The following RALGPS2 variants were observed in gnomAD, a reference collection of about 807,000 sequenced individuals.
RALGPS2 encodes the protein ras-specific guanine nucleotide-releasing factor RalGPS2.
In RALGPS2, 43 loss-of-function variants were observed where a neutral mutation model predicts 86.8. The ratio of observed to expected loss-of-function variants is 0.50; its 90% CI spans 0.39 to 0.64. The LOEUF is 0.64. Ranked by LOEUF, RALGPS2 falls within the 30% of genes least tolerant of loss-of-function variation. The pLI is 0.00. For synonymous variants in RALGPS2, 243 were observed against 231.3 expected (o/e 1.05, Z -0.46); for missense variants, 536 against 694.6 (o/e 0.77, Z 2.57).
At chr1:178,833,176 C>T (rs751984088) in intron 7 of RALGPS2, among the ~76,000 whole-genome samples, 6 of 151,618 alleles carry the variant, frequency 4.0e-5, no homozygotes, top group African/African-American at 1.2e-4. Flanking sequence ...ATAGTAAACA[C>T]GAAAATGTTA....
chr1:178,783,374 C>T (rs917270237), intron 2 of RALGPS2, among the ~76,000 whole-genome samples: 1 of 151,782 alleles, frequency 6.6e-6, no homozygotes, highest in Non-Finnish European at 1.5e-5. Context: ...GACTGTAGGA[C>T]AGTGACAAAA....
chr1:178,794,007 G>A (rs1204577646), intron 4 of RALGPS2, among the ~76,000 whole-genome samples: 4 of 152,186 alleles, frequency 2.6e-5, no homozygotes, highest in Non-Finnish European at 4.4e-5. Context: ...TTCAGTCAAA[G>A]CTCAGCACTT....
intron 11 of RALGPS2, 24 bp downstream of exon 11, chr1:178,883,557 T>C: frequency 6.4e-7 from 1 of 1,562,200 alleles, no homozygotes. Flanking sequence ...TTTCTCTTGT[T>C]ACCAAATCTA....
intron 4 of RALGPS2, among the ~76,000 whole-genome samples, chr1:178,787,657 G>C (rs1653721585): frequency 6.6e-6 from 1 of 152,124 alleles, no homozygotes. Context: ...TGGGGCATCT[G>C]ATAGTACTTT....
intron 16 of RALGPS2, among the ~76,000 whole-genome samples, chr1:178,896,707 C>T (rs1356751334): frequency 1.4e-5 from 2 of 141,824 alleles, no homozygotes; most frequent in Non-Finnish European, 3.1e-5. Flanking sequence ...TGAGAATATG[C>T]GGTGTTTGGT....
chr1:178,897,365 A>G (rs1659994733), intron 16 of RALGPS2, among the ~76,000 whole-genome samples: 1 of 152,080 alleles, frequency 6.6e-6, no homozygotes, highest in Non-Finnish European at 1.5e-5. Context: ...TTCTTTAAAA[A>G]GTGAGAGAGA....
At chr1:178,840,328 G>C (rs1572387218) in intron 8 of RALGPS2, among the ~76,000 whole-genome samples, 1 of 152,154 alleles carries the variant, frequency 6.6e-6, no homozygotes, top group African/African-American at 2.4e-5. Context: ...AATCAAACTA[G>C]AACTCAGGAT....
chr1:178,836,815 C>T (rs957999656), intron 8 of RALGPS2, among the ~76,000 whole-genome samples: 4 of 152,012 alleles, frequency 2.6e-5, no homozygotes, highest in African/African-American at 9.7e-5. Context: ...GGGTCTCACT[C>T]TGTCATCCAG....
At chr1:178,763,601 TG>T (rs931988324) in intron 1 of RALGPS2, among the ~76,000 whole-genome samples, 1 of 152,234 alleles carries the variant, frequency 6.6e-6, no homozygotes, top group Non-Finnish European at 1.5e-5. Flanking sequence ...TAATTCTTTT[TG>T]CGGCTATGGT....
intron 6 of RALGPS2, among the ~76,000 whole-genome samples, chr1:178,817,215 C>T (rs976452595): frequency 6.6e-6 from 1 of 151,678 alleles, no homozygotes; most frequent in African/African-American, 2.4e-5. Flanking sequence ...TGTGTTGGCG[C>T]ACTCCTGTAA....
At chr1:178,796,824 C>G (rs1173321196) in intron 4 of RALGPS2, among the ~76,000 whole-genome samples, 1 of 152,094 alleles carries the variant, frequency 6.6e-6, no homozygotes, top group African/African-American at 2.4e-5. Context: ...AAAATAAATG[C>G]AAGTGAAAAT....
At chr1:178,805,550 G>A (rs10913629) in intron 4 of RALGPS2, among the ~76,000 whole-genome samples, 1 of 151,852 alleles carries the variant, frequency 6.6e-6, no homozygotes, top group African/African-American at 2.4e-5. Flanking sequence ...TTTCCCCATT[G>A]CTTGTTTTTC....
intron 8 of RALGPS2, among the ~76,000 whole-genome samples, chr1:178,874,198 G>A (rs1187421824): frequency 1.3e-5 from 2 of 152,158 alleles, no homozygotes; most frequent in East Asian, 3.8e-4. Flanking sequence ...AGTAGAGAAG[G>A]AACATACAGA....
intron 8 of RALGPS2, among the ~76,000 whole-genome samples, chr1:178,837,195 A>G (rs1048037932): frequency 2.1e-4 from 32 of 152,180 alleles, no homozygotes; most frequent in African/African-American, 7.2e-4. Context: ...ATATCACTGT[A>G]TATTTTATAT....
chr1:178,795,128 C>A (rs774847845), intron 4 of RALGPS2, among the ~76,000 whole-genome samples: 3 of 150,846 alleles, frequency 2.0e-5, no homozygotes, highest in Non-Finnish European at 3.0e-5. Flanking sequence ...TGCAGTGAGC[C>A]GAGATTGCGC....
At chr1:178,872,733 T>A (rs1658824576) in intron 8 of RALGPS2, among the ~76,000 whole-genome samples, 1 of 152,226 alleles carries the variant, frequency 6.6e-6, no homozygotes, top group African/African-American at 2.4e-5. Flanking sequence ...GCTTTTAAAC[T>A]TTCAGCAGTT....
At chr1:178,913,212 G>A (rs551453446) in intron 19 of RALGPS2, among the ~76,000 whole-genome samples, 51 of 151,808 alleles carry the variant, frequency 3.4e-4, no homozygotes, top group Middle Eastern at 6.8e-3. Context: ...AACCTGGGAG[G>A]CAGAGGTTGC....
chr1:178,828,733 C>T (rs558684753), intron 7 of RALGPS2, among the ~76,000 whole-genome samples: 4 of 152,304 alleles, frequency 2.6e-5, no homozygotes, highest in African/African-American at 9.6e-5. Context: ...CATCTCACAC[C>T]TGTTAGAATA....
intron 1 of RALGPS2, among the ~76,000 whole-genome samples, chr1:178,726,554 A>AC (rs1290675533): frequency 4.6e-5 from 7 of 151,586 alleles, no homozygotes; most frequent in East Asian, 3.9e-4. Flanking sequence ...AAAAAAAAAA[A>AC]CCCCAAAAGA....
Sources: gnomAD v4.1 joint callset for allele counts (sites outside exome capture counted in the v4.1 genomes callset) on GRCh38, gnomAD v4.1.1 for gene constraint, MANE v1.5 for transcripts, NCBI Gene and HGNC (gene_info 2026-07-23, HGNC 2026-07-21) for gene names.